The following CORO2B variants were observed in gnomAD, a reference collection of about 807,000 sequenced individuals.
CORO2B encodes coronin-2B.
CORO2B carries 26 observed loss-of-function variants against 58.8 expected under a neutral mutation model. The observed-to-expected ratio is 0.44, with a 90% CI of 0.32 to 0.61. The LOEUF is 0.61. Ranked by LOEUF, CORO2B falls within the 20% of genes least tolerant of loss-of-function variation. The probability of loss-of-function intolerance (pLI) is 0.04; values close to 1 mark genes in which losing one functional copy is unlikely to be tolerated. For missense variants in CORO2B, 460 were observed against 645.1 expected, an observed-to-expected ratio of 0.71 and a Z score of 3.11; for synonymous variants, 242 against 253.8, an observed-to-expected ratio of 0.95 and a Z score of 0.44.
chr15:68,589,923 T>TG (rs1899657119), intron 1 of CORO2B, among the ~76,000 whole-genome samples: 1 of 152,214 alleles, frequency 6.6e-6, no homozygotes. Flanking sequence ...TGGCAGTGCA[T>TG]GCCCTACATG....
At chr15:68,603,274 A>T (rs1900027256) in intron 1 of CORO2B, among the ~76,000 whole-genome samples, 1 of 152,202 alleles carries the variant, frequency 6.6e-6, no homozygotes, top group Non-Finnish European at 1.5e-5. Context: ...AAACAAATAA[A>T]TGAATTGAAT....
the CORO2B span, among the ~76,000 whole-genome samples, chr15:68,535,487 A>T: frequency 6.6e-6 from 1 of 152,220 alleles, no homozygotes; most frequent in Non-Finnish European, 1.5e-5. Flanking sequence ...TCAGGAACTT[A>T]GTATGAGGCA....
intron 2 of CORO2B, among the ~76,000 whole-genome samples, chr15:68,669,477 C>G (rs769268670): frequency 6.6e-5 from 10 of 152,154 alleles, no homozygotes; most frequent in Non-Finnish European, 1.5e-4. Context: ...GATGTGTTCT[C>G]TGACTGAAAT....
the CORO2B span, among the ~76,000 whole-genome samples, chr15:68,541,274 C>G: frequency 3.3e-5 from 5 of 151,688 alleles, no homozygotes; most frequent in Non-Finnish European, 7.4e-5. Context: ...TATTTAACAT[C>G]TTATAACTAA....
chr15:68,577,976 T>G (rs628703), upstream of CORO2B, among the ~76,000 whole-genome samples: 33,877 of 152,082 alleles, frequency 0.22, 3,797 homozygotes, highest in South Asian at 0.24. Context: ...CAGGCTGTCC[T>G]GCTTGGAGAA....
At chr15:68,644,261 G>A (rs926753267) in intron 1 of CORO2B, among the ~76,000 whole-genome samples, 1 of 152,170 alleles carries the variant, frequency 6.6e-6, no homozygotes, top group African/African-American at 2.4e-5. Context: ...CATGTGCTTT[G>A]TCATCACATG....
At chr15:68,637,354 G>A (rs535325081) in intron 1 of CORO2B, among the ~76,000 whole-genome samples, 28 of 152,356 alleles carry the variant, frequency 1.8e-4, no homozygotes, top group Non-Finnish European at 2.5e-4. Context: ...AACATGTGCT[G>A]TGTTCCTCCT....
chr15:68,690,720 A>T (rs1892339042), intron 2 of CORO2B, among the ~76,000 whole-genome samples: 1 of 140,754 alleles, frequency 7.1e-6, no homozygotes, highest in African/African-American at 2.7e-5. Flanking sequence ...CATGATCATG[A>T]TTTATTGCAG....
the CORO2B span, among the ~76,000 whole-genome samples, chr15:68,553,157 C>A: frequency 6.6e-6 from 1 of 152,148 alleles, no homozygotes; most frequent in Non-Finnish European, 1.5e-5. Context: ...GCCATGTAAG[C>A]ACAGAAGAAA....
chr15:68,540,799 A>T, the CORO2B span, among the ~76,000 whole-genome samples: 1 of 152,168 alleles, frequency 6.6e-6, no homozygotes, highest in Non-Finnish European at 1.5e-5. Flanking sequence ...ACACACAGAG[A>T]GTCAGTGACT....
At chr15:68,608,932 T>A (rs988841810) in intron 1 of CORO2B, among the ~76,000 whole-genome samples, 1 of 148,264 alleles carries the variant, frequency 6.7e-6, no homozygotes, top group Non-Finnish European at 1.5e-5. Context: ...CACTGGGTAC[T>A]AGGAAGAGAG....
chr15:68,579,381 T>A, intron 1 of CORO2B, 104 bp downstream of exon 1: 2 of 1,101,266 alleles, frequency 1.8e-6, no homozygotes, highest in African/African-American at 1.7e-5. Flanking sequence ...GGGGCGCCGG[T>A]GCCGGGAAGG....
intron 11 of CORO2B, among the ~76,000 whole-genome samples, chr15:68,723,020 T>C (rs1893200516): frequency 6.6e-6 from 1 of 151,712 alleles, no homozygotes; most frequent in Admixed American, 6.6e-5. Context: ...TGAGCGGATA[T>C]TGCACCATTG....
chr15:68,641,556 C>A (rs577023282), intron 1 of CORO2B: 1 of 985,164 alleles, frequency 1.0e-6, no homozygotes, highest in African/African-American at 1.7e-5. Flanking sequence ...ACAGAAACTG[C>A]GGGCCGCTGA....
the CORO2B span, among the ~76,000 whole-genome samples, chr15:68,568,802 G>A: frequency 3.6e-3 from 547 of 152,200 alleles, 9 homozygotes; most frequent in African/African-American, 0.012. Context: ...CACAGGGAGG[G>A]GAGCAACACA....
chr15:68,694,272 T>C (rs986925521), intron 2 of CORO2B, among the ~76,000 whole-genome samples: 1 of 152,216 alleles, frequency 6.6e-6, no homozygotes, highest in African/African-American at 2.4e-5. Flanking sequence ...CTGTCATATA[T>C]TGAGCATTTA....
intron 1 of CORO2B, among the ~76,000 whole-genome samples, chr15:68,639,252 C>T (rs1901130745): frequency 6.6e-6 from 1 of 152,172 alleles, no homozygotes; most frequent in South Asian, 2.1e-4. Context: ...CTATGAGGCT[C>T]AGCTATAAGG....
At chr15:68,643,704 T>C (rs16952336) in intron 1 of CORO2B, among the ~76,000 whole-genome samples, 2,187 of 152,198 alleles carry the variant, frequency 0.014, 48 homozygotes, top group African/African-American at 0.047. Flanking sequence ...CTTCCTTCAA[T>C]AAAGAGGAGT....
intron 3 of CORO2B, among the ~76,000 whole-genome samples, chr15:68,708,021 A>G (rs919947834): frequency 1.3e-5 from 2 of 152,164 alleles, no homozygotes; most frequent in African/African-American, 4.8e-5. Flanking sequence ...AAAGGGGATG[A>G]CAATGGGGAT....
Sources: allele counts gnomAD v4.1 joint callset (sites outside exome capture counted in the v4.1 genomes callset), GRCh38; gene constraint gnomAD v4.1.1; transcripts MANE v1.5; gene names NCBI Gene and HGNC (gene_info 2026-07-23, HGNC 2026-07-21).